CDIN1: variants seen among roughly 807,000 people sequenced by gnomAD.
The protein encoded by CDIN1 is CDAN1-interacting nuclease 1.
In CDIN1, 33 loss-of-function variants were observed where a neutral mutation model predicts 45.3. The observed-to-expected ratio is 0.73, with a 90% CI of 0.55 to 0.97. CDIN1 has a LOEUF of 0.97. Among genes scored for constraint, CDIN1 ranks in the 50% least tolerant of loss-of-function variants. CDIN1 has a pLI of 0.00. For synonymous variants in CDIN1, 118 were observed against 124.4 expected (o/e 0.95, Z 0.34); for missense variants, 303 against 339.4 (o/e 0.89, Z 0.84).
chr15:36,658,017 C>A, intron 5 of CDIN1, 112 bp downstream of exon 5: 1 of 823,880 alleles, frequency 1.2e-6, no homozygotes, highest in South Asian at 1.7e-5. Context: ...AAACAGCTAT[C>A]ATGAACAGTT....
At chr15:36,770,110 TTCTCTC>T (rs150116594) in intron 10 of CDIN1, among the ~76,000 whole-genome samples, 4 of 149,584 alleles carry the variant, frequency 2.7e-5, no homozygotes, top group African/African-American at 9.8e-5. Context: ...CTTTCTCCCT[TTCTCTC>T]TCTCTCTCTC....
chr15:36,778,193 C>T (rs16964031), intron 10 of CDIN1, among the ~76,000 whole-genome samples: 24,124 of 152,056 alleles, frequency 0.16, 3,313 homozygotes, highest in African/African-American at 0.38. Context: ...CTGCCTCTCA[C>T]GCACTGCTGT....
chr15:36,806,344 G>A lies in CDIN1; in HGVS notation c.717-1980G>A, dbSNP rs144101404. On this transcript the variant is annotated intron_variant, in intron 10 of 10. Coordinates refer to ENST00000566621, the MANE Select transcript of CDIN1 (RefSeq NM_001321759.2). The stretch of plus-strand genomic sequence containing the variant: ...CTTATGATTTAGCTGTTCAAAGAAA[G>A]TGCAGGCTGCTCTCACTTGCTCAGT... 4.4e-4 allele frequency among the ~76,000 whole-genome samples: 67 copies of A among 152,294 alleles called. 1 individual carries two copies. The highest frequency in any genetic ancestry group is 1.6e-3 in the African/African-American group (65 of 41,580).
intron 5 of CDIN1, among the ~76,000 whole-genome samples, chr15:36,664,734 G>C (rs1595441914): frequency 1.3e-5 from 2 of 152,102 alleles, no homozygotes; most frequent in Non-Finnish European, 2.9e-5. Context: ...TTTTAATAGA[G>C]ACGGGGTTTC....
intron 5 of CDIN1, chr15:36,691,208 C>T: frequency 3.9e-6 from 2 of 518,062 alleles, no homozygotes; most frequent in South Asian, 2.8e-5. Flanking sequence ...TCTTTCATGG[C>T]TGAAAGCCAT....
intron 1 of CDIN1, chr15:36,617,106 G>T: frequency 1.1e-6 from 1 of 872,516 alleles, no homozygotes. Flanking sequence ...TTTTCGTGGA[G>T]CAGGTAACAT....
chr15:36,671,967 A>G (rs187546808), intron 5 of CDIN1, among the ~76,000 whole-genome samples: 124 of 152,142 alleles, frequency 8.2e-4, no homozygotes, highest in African/African-American at 2.6e-3. Flanking sequence ...GTTTTAATTA[A>G]TCATTTTATG....
At chr15:36,623,377 A>G (rs938051589) in intron 1 of CDIN1, among the ~76,000 whole-genome samples, 10 of 152,216 alleles carry the variant, frequency 6.6e-5, no homozygotes, top group African/African-American at 2.4e-4. Flanking sequence ...CATACTGTCA[A>G]TATAACTTTA....
intron 10 of CDIN1, among the ~76,000 whole-genome samples, chr15:36,794,011 C>T (rs2054719213): frequency 2.3e-5 from 1 of 44,282 alleles, no homozygotes; most frequent in Admixed American, 4.4e-4. Flanking sequence ...TATTTTCTTA[C>T]TGTGGTGAAA....
At chr15:36,637,779 A>G (rs566161840) in intron 1 of CDIN1, among the ~76,000 whole-genome samples, 1 of 152,362 alleles carries the variant, frequency 6.6e-6, no homozygotes, top group African/African-American at 2.4e-5. Context: ...TAACATGGCT[A>G]ACTCTCACAG....
At chr15:36,705,984 C>T (rs1381929566) in intron 8 of CDIN1, 1 of 151,200 alleles carries the variant, frequency 6.6e-6, no homozygotes, top group Non-Finnish European at 1.5e-5. Context: ...TCATTTTTTT[C>T]TTGAAGAAAA....
intron 5 of CDIN1, among the ~76,000 whole-genome samples, chr15:36,667,727 T>C (rs1164840183): frequency 3.3e-5 from 5 of 152,212 alleles, no homozygotes; most frequent in African/African-American, 1.2e-4. Flanking sequence ...AGTTTTTCTT[T>C]TGTGCTTCAC....
In CDIN1 at chr15:36,703,219, A is replaced by AATATATATATATATATATAT. The variant is rs71126233; in HGVS notation, c.544+5843_544+5844insATATATATATATATATATAT. Reference sequence around the variant, plus strand: ...GGCAATAGAGTGAGACCCTGTCTCAAATATATATATATATCAGATATATAT... The same window carrying AATATATATATATATATATAT: ...GGCAATAGAGTGAGACCCTGTCTCAAATATATATATATATATATATATATATATATATATCAGATATATAT... On this transcript the variant is annotated intron_variant, in intron 8 of 10. Transcript: ENST00000566621. Among the ~76,000 whole-genome samples, 103 of 57,354 alleles carry AATATATATATATATATATAT rather than the reference A, an allele frequency of 1.8e-3. 16 individuals are homozygous for AATATATATATATATATATAT. Among genetic ancestry groups the AATATATATATATATATATAT allele is most frequent in the African/African-American group, 4.2e-3 (53 of 12,500 alleles). The allele number at this position is 57,354 out of a possible 152,430, so 37.6% of individuals were successfully genotyped here.
chr15:36,681,563 A>G (rs971533922), intron 5 of CDIN1, among the ~76,000 whole-genome samples: 1 of 152,178 alleles, frequency 6.6e-6, no homozygotes, highest in East Asian at 1.9e-4. Context: ...TGAAACAACT[A>G]ATTCCAAGCA....
At chr15:36,750,361 G>A (rs887054983) in intron 10 of CDIN1, among the ~76,000 whole-genome samples, 2 of 152,028 alleles carry the variant, frequency 1.3e-5, no homozygotes, top group Non-Finnish European at 2.9e-5. Flanking sequence ...ACATTATTTC[G>A]TTTGAGCTAA....
chr15:36,717,752 A>G (rs575394591), intron 10 of CDIN1, among the ~76,000 whole-genome samples: 5 of 152,252 alleles, frequency 3.3e-5, no homozygotes, highest in Admixed American at 2.6e-4. Context: ...CAAAATGACT[A>G]AACTCTTTTC....
At chr15:36,750,260 A>T (rs1317778345) in intron 10 of CDIN1, among the ~76,000 whole-genome samples, 1 of 152,198 alleles carries the variant, frequency 6.6e-6, no homozygotes. Context: ...CATTCGTCCC[A>T]TGAAACAGTG....
Position 36,579,670 on chromosome 15 carries a change from C to G in CDIN1, c.-191C>G. ...CCCCGCCGCGGAGGTGCCGGTGGAG[C>G]CTGGGACCGGGCGAGTCTCCGCCCC... On this transcript the variant is annotated 5_prime_UTR_variant, in exon 1 of 11. Coordinates refer to ENST00000566621, the MANE Select transcript of CDIN1 (RefSeq NM_001321759.2). 1.8e-6 allele frequency: 1 copy of G among 557,780 alleles called. No individual in the cohort carries two copies. Among genetic ancestry groups the G allele is most frequent in the South Asian group, 2.2e-5 (1 of 45,182 alleles). The allele number at this position is 557,780 out of a possible 1,614,324, so 34.6% of individuals were successfully genotyped here. A position where few individuals can be genotyped will look rare whatever the true frequency, so the allele number is the denominator to read the frequency against.
chr15:36,718,959 T>G (rs1222767524), intron 10 of CDIN1, among the ~76,000 whole-genome samples: 1 of 151,864 alleles, frequency 6.6e-6, no homozygotes, highest in East Asian at 1.9e-4. Flanking sequence ...ACAAGTGACT[T>G]AAGCCTGTAA....
Sources: gnomAD v4.1 joint callset for allele counts (sites outside exome capture counted in the v4.1 genomes callset) on GRCh38, gnomAD v4.1.1 for gene constraint, MANE v1.5 for transcripts, NCBI Gene and HGNC (gene_info 2026-07-23, HGNC 2026-07-21) for gene names.